Variants in TPST2 observed in about 807,000 individuals in gnomAD.
TPST2 encodes tyrosylprotein sulfotransferase 2.
In TPST2, 16 loss-of-function variants were observed where a neutral mutation model predicts 27.8. The ratio of observed to expected loss-of-function variants is 0.58; its 90% CI spans 0.39 to 0.88. TPST2 has a LOEUF of 0.88. Among genes scored for constraint, TPST2 ranks in the 40% least tolerant of loss-of-function variants. TPST2 has a pLI of 0.00. For synonymous variants in TPST2, 229 were observed against 231.7 expected (o/e 0.99, Z 0.10); for missense variants, 464 against 543.1 (o/e 0.85, Z 1.45).
intron 2 of TPST2, chr22:26,543,345 A>G (rs1366351556): frequency 6.6e-6 from 1 of 152,212 alleles, no homozygotes; most frequent in Non-Finnish European, 1.5e-5. Flanking sequence ...ACATGAAGCC[A>G]TTCCGAAATC....
intron 1 of TPST2, chr22:26,565,144 G>C (rs1030105837): frequency 3.3e-5 from 5 of 152,536 alleles, no homozygotes; most frequent in South Asian, 2.1e-4. Flanking sequence ...CCCCCAGAGA[G>C]GGAAAGCCAC....
chr22:26,560,976 C>G, intron 1 of TPST2: 1 of 1,609,914 alleles, frequency 6.2e-7, no homozygotes, highest in Non-Finnish European at 8.5e-7. Flanking sequence ...GGCTGCGAAG[C>G]TGAAGGAAAA....
chr22:26,568,306 C>T (rs910811565), intron 1 of TPST2, among the ~76,000 whole-genome samples: 1 of 152,200 alleles, frequency 6.6e-6, no homozygotes, highest in Non-Finnish European at 1.5e-5. Flanking sequence ...GACCATAACG[C>T]GTGGTTCTGT....
chr22:26,553,246 A>C (rs915286230), intron 1 of TPST2, among the ~76,000 whole-genome samples: 2 of 152,018 alleles, frequency 1.3e-5, no homozygotes, highest in African/African-American at 4.8e-5. Flanking sequence ...AAAAATGTAC[A>C]ATTCGGGAAA....
rs1246774085 is a variant in TPST2, at chr22:26,523,167, C to T, written c.*3108G>A. On this transcript the variant is annotated 3_prime_UTR_variant, in exon 7 of 7. Coordinates refer to ENST00000338754, the MANE Select transcript of TPST2 (RefSeq NM_003595.5). Reference sequence around the variant, plus strand: ...TTGTGCCACTGCACTGCAGCCTGAGCAACCAAGCGGGACTCTGTCTCCAAA... The same window carrying T: ...TTGTGCCACTGCACTGCAGCCTGAGTAACCAAGCGGGACTCTGTCTCCAAA... 6.6e-6 allele frequency: 1 copy of T among 150,508 alleles called. No individual in the cohort carries two copies. Among genetic ancestry groups the T allele is most frequent in the African/African-American group, 2.4e-5 (1 of 41,222 alleles). The allele number at this position is 150,508 out of a possible 1,614,324, so 9.3% of individuals were successfully genotyped here.
At chr22:26,538,613 C>T (rs906510382) in intron 3 of TPST2, among the ~76,000 whole-genome samples, 1 of 152,036 alleles carries the variant, frequency 6.6e-6, no homozygotes, top group African/African-American at 2.4e-5. Flanking sequence ...CCTGAGGTCA[C>T]GAGTTCGAGA....
intron 2 of TPST2, among the ~76,000 whole-genome samples, chr22:26,543,482 T>C (rs1174671363): frequency 6.6e-6 from 1 of 152,116 alleles, no homozygotes; most frequent in African/African-American, 2.4e-5. Context: ...TTTTTGTGTG[T>C]TTTTAGTAGA....
At chr22:26,555,188 C>T (rs1244790497) in intron 1 of TPST2, 5 of 533,662 alleles carry the variant, frequency 9.4e-6, no homozygotes, top group Non-Finnish European at 1.9e-5. Flanking sequence ...CTTGCTCCCT[C>T]TCTGTGAAAC....
intron 4 of TPST2, 49 bp downstream of exon 4, chr22:26,536,239 G>A: frequency 6.3e-7 from 1 of 1,599,656 alleles, no homozygotes; most frequent in Non-Finnish European, 8.6e-7. Flanking sequence ...ATCTGCAGAA[G>A]CCCCATATCC....
At chr22:26,535,738 G>A (rs1229558622) in intron 4 of TPST2, among the ~76,000 whole-genome samples, 1 of 152,184 alleles carries the variant, frequency 6.6e-6, no homozygotes, top group Non-Finnish European at 1.5e-5. Context: ...CTGCACCAGT[G>A]CACCCAGCTT....
chr22:26,536,259 C>T (rs775161079), intron 4 of TPST2, 29 bp downstream of exon 4: 5 of 1,613,214 alleles, frequency 3.1e-6, no homozygotes, highest in Admixed American at 1.7e-5. Context: ...CCCAAGAGTA[C>T]ACTTCCACAA....
chr22:26,579,258 G>A (rs919517733), intron 1 of TPST2, among the ~76,000 whole-genome samples: 9 of 152,194 alleles, frequency 5.9e-5, no homozygotes, highest in East Asian at 5.8e-4. Context: ...GAATGACCAC[G>A]TAGCAGAATG....
At chr22:26,566,571 A>G (rs1356551611) in intron 1 of TPST2, among the ~76,000 whole-genome samples, 1 of 151,478 alleles carries the variant, frequency 6.6e-6, no homozygotes, top group African/African-American at 2.4e-5. Context: ...GAAAAAGACA[A>G]AGAAAAAGAA....
chr22:26,564,690 C>T (rs141746790), intron 1 of TPST2, among the ~76,000 whole-genome samples: 1,621 of 152,314 alleles, frequency 0.011, 108 homozygotes, highest in Admixed American at 0.097. Context: ...TGCTCTGTTA[C>T]TTTTATTCAA....
intron 1 of TPST2, among the ~76,000 whole-genome samples, chr22:26,570,041 A>AGACAGAC (rs1569193925): frequency 1.5e-4 from 15 of 103,388 alleles, no homozygotes; most frequent in African/African-American, 5.8e-4. Context: ...GAAAGAAAGA[A>AGACAGAC]AGACAGAAAG....
At chr22:26,584,676 A>G (rs1569199122) in intron 1 of TPST2, among the ~76,000 whole-genome samples, 1 of 152,074 alleles carries the variant, frequency 6.6e-6, no homozygotes, top group Non-Finnish European at 1.5e-5. Flanking sequence ...AAACAAACAA[A>G]CAAAAAAACC....
intron 4 of TPST2, among the ~76,000 whole-genome samples, chr22:26,533,613 A>G (rs1569177737): frequency 6.6e-6 from 1 of 152,200 alleles, no homozygotes; most frequent in Non-Finnish European, 1.5e-5. Flanking sequence ...ACATTTTAAA[A>G]TAAAATGAAA....
chr22:26,555,283 C>T (rs565141718), intron 1 of TPST2: 225 of 524,676 alleles, frequency 4.3e-4, no homozygotes, highest in South Asian at 3.0e-3. Flanking sequence ...TACCAAAGAC[C>T]GCAATTACTT....
intron 1 of TPST2, among the ~76,000 whole-genome samples, chr22:26,573,270 A>T (rs1927702929): frequency 1.3e-5 from 2 of 152,144 alleles, no homozygotes. Context: ...GGCTAAAGTG[A>T]TCCACCCTCC....
Sources: allele counts gnomAD v4.1 joint callset (sites outside exome capture counted in the v4.1 genomes callset), GRCh38; gene constraint gnomAD v4.1.1; transcripts MANE v1.5; gene names NCBI Gene and HGNC (gene_info 2026-07-23, HGNC 2026-07-21).